The following IGF1R variants were observed in gnomAD, a reference collection of about 807,000 sequenced individuals.
IGF1R encodes insulin like growth factor 1 receptor.
Under a neutral mutation model 144.6 loss-of-function variants are expected in IGF1R, and 44 were observed. The observed-to-expected ratio is 0.30, with a 90% CI of 0.24 to 0.39. The LOEUF (loss-of-function observed/expected upper bound fraction) is 0.39, where lower values mean the gene tolerates loss of function less well. Among genes scored for constraint, IGF1R ranks in the 10% least tolerant of loss-of-function variants. The pLI, the probability that IGF1R is intolerant of heterozygous loss-of-function variation, is 1.00. For missense variants in IGF1R, 1,355 were observed against 1,833.7 expected, an observed-to-expected ratio of 0.74 and a Z score of 4.77; for synonymous variants, 795 against 722.8, an observed-to-expected ratio of 1.10 and a Z score of -1.60.
At chr15:98,829,381 A>AC (rs397712867) in intron 2 of IGF1R, among the ~76,000 whole-genome samples, 28 of 151,576 alleles carry the variant, frequency 1.8e-4, no homozygotes, top group African/African-American at 5.8e-4. Flanking sequence ...AAAAAAAAAA[A>AC]CTTGAGGTTT....
chr15:98,689,474 G>C (rs2053422127), intron 1 of IGF1R, among the ~76,000 whole-genome samples: 1 of 151,792 alleles, frequency 6.6e-6, no homozygotes, highest in Admixed American at 6.6e-5. Flanking sequence ...CCATCTGCCT[G>C]CCTTGGCCTC....
chr15:98,911,059 C>T (rs2014991521), intron 6 of IGF1R, among the ~76,000 whole-genome samples: 1 of 152,136 alleles, frequency 6.6e-6, no homozygotes, highest in Non-Finnish European at 1.5e-5. Context: ...GTTAGGAAAC[C>T]CAGGTTCATG....
chr15:98,703,228 C>T (rs1327385924), intron 1 of IGF1R, among the ~76,000 whole-genome samples: 2 of 152,094 alleles, frequency 1.3e-5, no homozygotes, highest in African/African-American at 2.4e-5. Flanking sequence ...ATGCCAATAT[C>T]GGTTGCTTTG....
chr15:98,940,647 C>T (rs1279762650), intron 18 of IGF1R, among the ~76,000 whole-genome samples: 1 of 152,206 alleles, frequency 6.6e-6, no homozygotes, highest in South Asian at 2.1e-4. Context: ...TCAGGTGATC[C>T]ACGCACCTCG....
intron 5 of IGF1R, chr15:98,900,852 C>T (rs1325240303): frequency 6.6e-6 from 1 of 151,672 alleles, no homozygotes; most frequent in East Asian, 1.9e-4. Context: ...TCTGGAATCT[C>T]GGGTGTCTGT....
chr15:98,738,568 GTCC>G (rs1172060376), intron 2 of IGF1R, among the ~76,000 whole-genome samples: 4 of 152,190 alleles, frequency 2.6e-5, no homozygotes, highest in Non-Finnish European at 5.9e-5. Flanking sequence ...CAGGATTTTA[GTCC>G]TGACTTGTGT....
intron 2 of IGF1R, among the ~76,000 whole-genome samples, chr15:98,810,544 C>G (rs1286967233): frequency 2.0e-5 from 3 of 148,002 alleles, no homozygotes; most frequent in Non-Finnish European, 3.0e-5. Flanking sequence ...AAATGATTTT[C>G]TTTTCTTTTC....
chr15:98,828,327 A>C (rs930035094), intron 2 of IGF1R, among the ~76,000 whole-genome samples: 1 of 152,142 alleles, frequency 6.6e-6, no homozygotes, highest in African/African-American at 2.4e-5. Flanking sequence ...AAAAACCTAC[A>C]AAAAGCCACT....
In IGF1R at chr15:98,667,075, A is replaced by C. The variant is rs2052761278; in HGVS notation, c.94+17400A>C. ...AGGTCAGGAGAGGCCTTGAAAAAAAACGCAGGTTTGAGCTGAGTCAGATGG... is the reference window on the plus strand; with the variant it reads ...AGGTCAGGAGAGGCCTTGAAAAAAACCGCAGGTTTGAGCTGAGTCAGATGG... On this transcript the variant is annotated intron_variant, in intron 1 of 20. Transcript: ENST00000650285. 2.0e-5 allele frequency among the ~76,000 whole-genome samples: 3 copies of C among 152,172 alleles called. 1 individual carries two copies. In the South Asian group the frequency reaches 6.2e-4, roughly 32 times the overall value.
chr15:98,687,368 G>A (rs913537536), intron 1 of IGF1R, among the ~76,000 whole-genome samples: 4 of 152,208 alleles, frequency 2.6e-5, no homozygotes, highest in African/African-American at 9.7e-5. Flanking sequence ...GGAAGGAGCT[G>A]CTGGGAAGCA....
At chr15:98,686,909 G>T (rs907426045) in intron 1 of IGF1R, among the ~76,000 whole-genome samples, 1 of 152,114 alleles carries the variant, frequency 6.6e-6, no homozygotes, top group African/African-American at 2.4e-5. Context: ...GCCTCAAGCA[G>T]TTCTTCCACC....
chr15:98,664,325 T>C (rs2052673965), intron 1 of IGF1R, among the ~76,000 whole-genome samples: 1 of 152,104 alleles, frequency 6.6e-6, no homozygotes, highest in Non-Finnish European at 1.5e-5. Context: ...GGGCACGTTA[T>C]TGACCCTCTC....
rs745748508 is a variant in IGF1R at position 98,908,738 on chromosome 15, G to C, written c.1301G>C (p.Trp434Ser). The C allele has an allele frequency of 3.7e-6, 6 of 1,614,098 alleles. No homozygotes were observed. The highest frequency in any genetic ancestry group is 5.1e-6 in the Non-Finnish European group (6 of 1,179,994). The part of the protein sequence containing the change: ...DNQNLQQLWD[W>S]DHRNLTIKAG... ...CAGAACTTGCAGCAACTGTGGGACT[G>C]GGACCACCGCAACCTGACCATCAAA... The change falls in exon 6 of 21, where the codon TGG becomes TCG. Residue 434 changes from tryptophan (W) to serine (S), a missense_variant. Trp to Ser is a radical substitution (Grantham distance 177, BLOSUM62 -3). Around this residue, in one of 7 missense-constraint regions of IGF1R, gnomAD observed 880 missense variants for 1,202.7 expected, o/e 0.73. Transcript: ENST00000650285.
intron 2 of IGF1R, among the ~76,000 whole-genome samples, chr15:98,869,863 G>C (rs554886103): frequency 1.3e-5 from 2 of 152,334 alleles, no homozygotes; most frequent in South Asian, 4.1e-4. Context: ...GTCGTCCAGG[G>C]CTAAATTAAC....
chr15:98,788,581 C>A (rs530919888), intron 2 of IGF1R, among the ~76,000 whole-genome samples: 30 of 152,254 alleles, frequency 2.0e-4, no homozygotes, highest in African/African-American at 6.7e-4. Flanking sequence ...GAGTCTTTTC[C>A]CTGAATGCAT....
intron 2 of IGF1R, among the ~76,000 whole-genome samples, chr15:98,736,610 C>CTTT (rs1321651793): frequency 1.4e-5 from 2 of 138,980 alleles, no homozygotes; most frequent in African/African-American, 2.6e-5. Context: ...TTTCTTTTTT[C>CTTT]TTTTTTCTTT....
At chr15:98,806,560 T>C (rs2056476755) in intron 2 of IGF1R, among the ~76,000 whole-genome samples, 1 of 151,952 alleles carries the variant, frequency 6.6e-6, no homozygotes, top group Non-Finnish European at 1.5e-5. Flanking sequence ...GGAATAAATA[T>C]TAAATAAACA....
rs187491896 is a variant in IGF1R, at chr15:98,960,440, A to G, written c.*2998A>G. The G allele has an allele frequency of 7.4e-4, 172 of 232,568 alleles. No homozygotes were observed. Among genetic ancestry groups the G allele is most frequent in the African/African-American group, 3.5e-3 (160 of 45,248 alleles). The allele number at this position is 232,568 out of a possible 1,614,324, so 14.4% of individuals were successfully genotyped here. On this transcript the variant is annotated 3_prime_UTR_variant, in exon 21 of 21. Coordinates refer to ENST00000650285, the MANE Select transcript of IGF1R (RefSeq NM_000875.5). ...TCCCTGGCTGGTTGTCTTTGGAACA[A>G]ACTGCTTCTGTGCAGATGGAATGAC... is the stretch of plus-strand genomic sequence containing the variant.
intron 2 of IGF1R, among the ~76,000 whole-genome samples, chr15:98,887,202 T>C (rs759679937): frequency 3.3e-5 from 5 of 152,096 alleles, no homozygotes; most frequent in Admixed American, 6.5e-5. Context: ...TGTGTATCGG[T>C]TGTGGCACGG....
Sources: gnomAD v4.1 joint callset for allele counts (sites outside exome capture counted in the v4.1 genomes callset) on GRCh38, gnomAD v4.1.1 for gene constraint, gnomAD v4.1.1 regional missense constraint, MANE v1.5 for transcripts, NCBI Gene and HGNC (gene_info 2026-07-23, HGNC 2026-07-21) for gene names.